The following DMRT1 variants were observed in gnomAD, a reference collection of about 807,000 sequenced individuals.
DMRT1 encodes the protein doublesex- and mab-3-related transcription factor 1.
In DMRT1, 7 loss-of-function variants were observed where a neutral mutation model predicts 32.3. That is an observed-to-expected ratio of 0.22 (90% CI 0.12 to 0.41). DMRT1 has a LOEUF of 0.41. DMRT1 is among the 10% of genes least tolerant of loss of function. The pLI is 1.00. For synonymous variants in DMRT1, 278 were observed against 206.1 expected, an observed-to-expected ratio of 1.35 and a Z score of -2.99; for missense variants, 625 against 500.5, an observed-to-expected ratio of 1.25 and a Z score of -2.37.
chr9:884,368 C>T (rs1051015645), intron 2 of DMRT1, among the ~76,000 whole-genome samples: 1 of 138,262 alleles, frequency 7.2e-6, no homozygotes, highest in African/African-American at 2.7e-5. Context: ...CATGTTAGTG[C>T]AAAAAAAAAA....
intron 4 of DMRT1, among the ~76,000 whole-genome samples, chr9:949,463 T>C (rs1444159956): frequency 1.3e-5 from 2 of 152,100 alleles, no homozygotes; most frequent in African/African-American, 4.8e-5. Context: ...ACTTGGTGAG[T>C]TTGGAGATAA....
intron 2 of DMRT1, among the ~76,000 whole-genome samples, chr9:880,595 G>A (rs369222894): frequency 5.9e-5 from 9 of 151,734 alleles, no homozygotes; most frequent in African/African-American, 1.5e-4. Context: ...GCATGGTGGC[G>A]CATGCCTGTA....
At chr9:861,234 C>A (rs7854259) in intron 2 of DMRT1, among the ~76,000 whole-genome samples, 7,576 of 151,752 alleles carry the variant, frequency 0.05, 645 homozygotes, top group African/African-American at 0.17. Context: ...GTGTTTGTGT[C>A]CCTGGGTAGT....
chr9:882,111 A>G (rs2132631442), intron 2 of DMRT1, among the ~76,000 whole-genome samples: 1 of 152,328 alleles, frequency 6.6e-6, no homozygotes, highest in South Asian at 2.1e-4. Flanking sequence ...GGTGTGGAAG[A>G]AGGAGGAAGC....
intron 3 of DMRT1, among the ~76,000 whole-genome samples, chr9:907,238 C>G (rs1036553799): frequency 6.6e-6 from 1 of 152,208 alleles, no homozygotes; most frequent in Non-Finnish European, 1.5e-5. Flanking sequence ...TTTCCTTTCT[C>G]TCCAGCCATT....
In DMRT1 at chr9:848,087, T is replaced by C. The variant is rs545804089; in HGVS notation, c.538+944T>C. On this transcript the variant is annotated intron_variant, in intron 2 of 4. Coordinates refer to ENST00000382276, the MANE Select transcript of DMRT1 (RefSeq NM_021951.3). ...CACATACTGTAATTCACAGAATATC[T>C]TTAAATGTCTTTAAAGTGTTCTAAG... Among the ~76,000 whole-genome samples the C allele has an allele frequency of 1.5e-4, 23 of 152,368 alleles. No homozygotes were observed. The South Asian group carries it at 4.6e-3, about 30-fold the overall frequency.
chr9:871,583 C>T lies in DMRT1; in HGVS notation c.539-22329C>T, dbSNP rs554696252. ...GTCTCGATCTCCTGACCTCGTGATC[C>T]GCCCGCCTCTGCCTCCCAAAGTGCT... On this transcript the variant is annotated intron_variant, in intron 2 of 4. Transcript: ENST00000382276. Among the ~76,000 whole-genome samples, 110 of 146,306 alleles carry T rather than the reference C, an allele frequency of 7.5e-4. 1 individual carries two copies. Among genetic ancestry groups the T allele is most frequent in the African/African-American group, 2.8e-3 (107 of 37,762 alleles).
At chr9:845,295 C>T (rs1177622694) in intron 1 of DMRT1, among the ~76,000 whole-genome samples, 1 of 151,932 alleles carries the variant, frequency 6.6e-6, no homozygotes, top group Non-Finnish European at 1.5e-5. Context: ...CTGCAACCTC[C>T]ACCTCCTGGC....
chr9:920,435 A>G (rs916900699), intron 4 of DMRT1, among the ~76,000 whole-genome samples: 1 of 152,180 alleles, frequency 6.6e-6, no homozygotes, highest in Non-Finnish European at 1.5e-5. Flanking sequence ...TGATATGTCA[A>G]ATGAGATGAG....
In DMRT1 at chr9:910,529, TA is replaced by T. The variant is rs903803527; in HGVS notation, c.823-6227del. Reference sequence around the variant, plus strand: ...GACTGGTATTTGGGATTTTTTTTTTTAAAAAAAGAAGTGAACTCAAACATTT... The same window carrying T: ...GACTGGTATTTGGGATTTTTTTTTTTAAAAAAGAAGTGAACTCAAACATTT... On this transcript the variant is annotated intron_variant, in intron 3 of 4. Coordinates refer to ENST00000382276, the MANE Select transcript of DMRT1 (RefSeq NM_021951.3). Among the ~76,000 whole-genome samples, 405 of 150,818 alleles carry T rather than the reference TA, an allele frequency of 2.7e-3. 3 individuals carry two copies. The highest frequency in any genetic ancestry group is 9.2e-3 in the African/African-American group (378 of 41,184).
chr9:853,943 A>G (rs1044003837), intron 2 of DMRT1, among the ~76,000 whole-genome samples: 10 of 151,746 alleles, frequency 6.6e-5, no homozygotes, highest in Non-Finnish European at 1.3e-4. Context: ...CTACAGGTGC[A>G]CGCTATCATG....
intron 2 of DMRT1, among the ~76,000 whole-genome samples, chr9:873,064 T>C (rs1816341654): frequency 6.6e-6 from 1 of 152,196 alleles, no homozygotes; most frequent in Non-Finnish European, 1.5e-5. Flanking sequence ...CTAGGTAACC[T>C]TTAACCCAGT....
At chr9:909,240 A>G (rs1564243605) in intron 3 of DMRT1, among the ~76,000 whole-genome samples, 1 of 152,058 alleles carries the variant, frequency 6.6e-6, no homozygotes, top group African/African-American at 2.4e-5. Context: ...TGGGTCACAC[A>G]CCTCAGCATT....
chr9:940,978 C>T (rs1401208135), intron 4 of DMRT1, among the ~76,000 whole-genome samples: 1 of 152,106 alleles, frequency 6.6e-6, no homozygotes, highest in Non-Finnish European at 1.5e-5. Context: ...ATAAGAATGA[C>T]AATGAGATAC....
At chr9:903,814 G>A (rs1817675627) in intron 3 of DMRT1, among the ~76,000 whole-genome samples, 1 of 152,216 alleles carries the variant, frequency 6.6e-6, no homozygotes, top group South Asian at 2.1e-4. Flanking sequence ...TAGAAGGAGT[G>A]CAGACCTGGG....
At chr9:962,407 A>G (rs1469279850) in intron 4 of DMRT1, among the ~76,000 whole-genome samples, 2 of 152,172 alleles carry the variant, frequency 1.3e-5, no homozygotes, top group African/African-American at 4.8e-5. Context: ...CTGAGCCCCT[A>G]TCAGGGTAGG....
At chr9:856,047 G>A (rs975140538) in intron 2 of DMRT1, among the ~76,000 whole-genome samples, 10 of 152,228 alleles carry the variant, frequency 6.6e-5, no homozygotes, top group African/African-American at 2.2e-4. Flanking sequence ...CTTCTGAGCA[G>A]CTGGGATTAC....
chr9:956,973 C>A (rs1172630104), intron 4 of DMRT1, among the ~76,000 whole-genome samples: 1 of 152,134 alleles, frequency 6.6e-6, no homozygotes, highest in Non-Finnish European at 1.5e-5. Context: ...ATTTTAGATT[C>A]AGCGGGTTCA....
chr9:883,656 G>C (rs1299511174), intron 2 of DMRT1, among the ~76,000 whole-genome samples: 2 of 151,724 alleles, frequency 1.3e-5, no homozygotes, highest in African/African-American at 2.4e-5. Context: ...GCCGTGTATG[G>C]TGGCGTGCCC....
Sources: gnomAD v4.1 joint callset for allele counts (sites outside exome capture counted in the v4.1 genomes callset) on GRCh38, gnomAD v4.1.1 for gene constraint, MANE v1.5 for transcripts, NCBI Gene and HGNC (gene_info 2026-07-23, HGNC 2026-07-21) for gene names.